The following TUSC3 variants were observed in gnomAD, a reference collection of about 807,000 sequenced individuals.
TUSC3 encodes dolichyl-diphosphooligosaccharide--protein glycosyltransferase subunit TUSC3.
A neutral mutation model predicts 44.8 loss-of-function variants in TUSC3; 45 were observed. That is an observed-to-expected ratio of 1.00 (90% CI 0.79 to 1.29). The LOEUF is 1.29. TUSC3 is among the 50% of genes most tolerant of loss of function. TUSC3 has a pLI of 0.00. For synonymous variants in TUSC3, 212 were observed against 152.9 expected (o/e 1.39, Z -2.85); for missense variants, 519 against 437.9 (o/e 1.19, Z -1.65).
intron 4 of TUSC3, among the ~76,000 whole-genome samples, chr8:15,660,850 T>C (rs1449045124): frequency 6.6e-6 from 1 of 151,110 alleles, no homozygotes; most frequent in African/African-American, 2.4e-5. Flanking sequence ...AATCAGAACT[T>C]ATTCTAACCT....
the TUSC3 span, chr8:15,806,661 G>T: frequency 9.0e-7 from 1 of 1,112,084 alleles, no homozygotes; most frequent in Non-Finnish European, 1.4e-6. Context: ...GAGACAAGCT[G>T]CCCAGTAGGA....
At chr8:15,425,924 G>C (rs1361287522) in intron 1 of TUSC3, among the ~76,000 whole-genome samples, 1 of 152,194 alleles carries the variant, frequency 6.6e-6, no homozygotes, top group East Asian at 1.9e-4. Context: ...GCCAAGGTGA[G>C]AGGATCGCTT....
chr8:15,484,451 A>G (rs1245252400), intron 2 of TUSC3, among the ~76,000 whole-genome samples: 1 of 152,242 alleles, frequency 6.6e-6, no homozygotes, highest in African/African-American at 2.4e-5. Context: ...TTTTCTTTAC[A>G]TGTGCCAGCA....
intron 2 of TUSC3, among the ~76,000 whole-genome samples, chr8:15,510,677 A>T (rs551248442): frequency 6.6e-6 from 1 of 152,078 alleles, no homozygotes; most frequent in African/African-American, 2.4e-5. Context: ...GATGACACCA[A>T]TTTTACACAA....
chr8:15,815,166 A>C, the TUSC3 span, among the ~76,000 whole-genome samples: 270 of 152,324 alleles, frequency 1.8e-3, no homozygotes, highest in African/African-American at 6.0e-3. Flanking sequence ...GTACATAAAA[A>C]TGTTAGAAGG....
chr8:15,630,590 G>A (rs1011566590), intron 2 of TUSC3, among the ~76,000 whole-genome samples: 3 of 152,102 alleles, frequency 2.0e-5, no homozygotes, highest in African/African-American at 4.8e-5. Flanking sequence ...TCAGGGTTGC[G>A]ATTTGTGACT....
chr8:15,805,461 C>T, the TUSC3 span, among the ~76,000 whole-genome samples: 3 of 152,118 alleles, frequency 2.0e-5, no homozygotes, highest in South Asian at 6.2e-4. Context: ...GATGTTGGCT[C>T]TGGGTTTGTC....
At chr8:15,660,395 A>T (rs972942937) in intron 4 of TUSC3, among the ~76,000 whole-genome samples, 23 of 152,150 alleles carry the variant, frequency 1.5e-4, no homozygotes, top group African/African-American at 4.6e-4. Context: ...TTTATAAAGT[A>T]CAAATATGAG....
At chr8:15,788,372 C>A in the TUSC3 span, among the ~76,000 whole-genome samples, 1 of 151,926 alleles carries the variant, frequency 6.6e-6, no homozygotes, top group Admixed American at 6.6e-5. Flanking sequence ...CATGGGGAAA[C>A]CCCCTCTCTA....
intron 2 of TUSC3, among the ~76,000 whole-genome samples, chr8:15,522,082 A>G (rs550978237): frequency 4.3e-4 from 65 of 152,260 alleles, no homozygotes; most frequent in African/African-American, 1.5e-3. Flanking sequence ...CATTTCTGAA[A>G]TCTTCATCTC....
intron 1 of TUSC3, among the ~76,000 whole-genome samples, chr8:15,555,599 T>C (rs1290459356): frequency 6.6e-6 from 1 of 151,592 alleles, no homozygotes; most frequent in Non-Finnish European, 1.5e-5. Context: ...TGAGAAATTG[T>C]TAGGCAGTTA....
intron 6 of TUSC3, among the ~76,000 whole-genome samples, chr8:15,706,379 TGAAA>T (rs1381293171): frequency 5.3e-5 from 8 of 152,056 alleles, no homozygotes; most frequent in Non-Finnish European, 7.4e-5. Flanking sequence ...CCTCAGGAAA[TGAAA>T]GAAAGATTTC....
Position 15,561,277 on chromosome 8 carries a change from T to C in TUSC3, c.138+20709T>C, listed in dbSNP as rs544653086. 2.0e-5 allele frequency among the ~76,000 whole-genome samples: 3 copies of C among 147,900 alleles called. No homozygotes were observed. The East Asian group carries it at 6.0e-4, about 30-fold the overall frequency. On this transcript the variant is annotated intron_variant, in intron 1 of 10. Transcript: ENST00000503731. ...AATACCCTGCAGTGTGAGGTGTCAG[T>C]GTGCCCCTGCTGGGGGGTGCCTCCC...
intron 6 of TUSC3, among the ~76,000 whole-genome samples, chr8:15,702,752 T>C (rs934251927): frequency 3.9e-5 from 6 of 152,178 alleles, no homozygotes; most frequent in Non-Finnish European, 7.3e-5. Flanking sequence ...ACCAGACTTA[T>C]ATTACTTAAA....
the TUSC3 span, among the ~76,000 whole-genome samples, chr8:15,782,318 ATTTTT>A: frequency 6.6e-6 from 1 of 151,568 alleles, no homozygotes; most frequent in Non-Finnish European, 1.5e-5. Context: ...ACAAAAAAAA[ATTTTT>A]TTTTAAGTAG....
At chr8:15,825,981 A>G in the TUSC3 span, among the ~76,000 whole-genome samples, 1 of 151,804 alleles carries the variant, frequency 6.6e-6, no homozygotes, top group South Asian at 2.1e-4. Context: ...GAACACATTA[A>G]AATAAAAATG....
chr8:15,680,299 C>T (rs1394961378), intron 6 of TUSC3, among the ~76,000 whole-genome samples: 2 of 151,832 alleles, frequency 1.3e-5, no homozygotes, highest in Non-Finnish European at 1.5e-5. Context: ...AGATCTTTCA[C>T]CTCTTTGGTT....
At chr8:15,732,688 G>A (rs1810774588) in intron 7 of TUSC3, among the ~76,000 whole-genome samples, 1 of 152,114 alleles carries the variant, frequency 6.6e-6, no homozygotes, top group Non-Finnish European at 1.5e-5. Flanking sequence ...AACTTATAAG[G>A]TAATACAAAG....
chr8:15,749,734 T>G (rs1464225212), intron 9 of TUSC3, among the ~76,000 whole-genome samples: 1 of 69,662 alleles, frequency 1.4e-5, no homozygotes. Flanking sequence ...AAGATGAAGT[T>G]TTTTTTTTTT....
Sources: allele counts gnomAD v4.1 joint callset (sites outside exome capture counted in the v4.1 genomes callset), GRCh38; gene constraint gnomAD v4.1.1; transcripts MANE v1.5; gene names NCBI Gene and HGNC (gene_info 2026-07-23, HGNC 2026-07-21).